The following PTK2B variants were observed in gnomAD, a reference collection of about 807,000 sequenced individuals.
The protein encoded by PTK2B is protein tyrosine kinase 2 beta.
PTK2B carries 71 observed loss-of-function variants against 142.9 expected under a neutral mutation model. The ratio of observed to expected loss-of-function variants is 0.50; its 90% CI spans 0.41 to 0.61. The LOEUF (loss-of-function observed/expected upper bound fraction) is 0.61, where lower values mean the gene tolerates loss of function less well. Ranked by LOEUF, PTK2B falls within the 20% of genes least tolerant of loss-of-function variation. The probability of loss-of-function intolerance (pLI) is 0.00; values close to 1 mark genes in which losing one functional copy is unlikely to be tolerated. For synonymous variants in PTK2B, 519 were observed against 503.4 expected, an observed-to-expected ratio of 1.03 and a Z score of -0.42; for missense variants, 1,105 against 1,320.4, an observed-to-expected ratio of 0.84 and a Z score of 2.53.
chr8:27,422,179 T>G, intron 4 of PTK2B, 125 bp from the exon 5 acceptor site: 7 of 836,478 alleles, frequency 8.4e-6, no homozygotes, highest in Non-Finnish European at 1.3e-5. Flanking sequence ...TCCATGCTTG[T>G]TTGTGGTGGG....
chr8:27,380,521 G>A (rs542965290), intron 1 of PTK2B: 4 of 144,426 alleles, frequency 2.8e-5, no homozygotes, highest in South Asian at 2.3e-4. Flanking sequence ...AACGCTGAAT[G>A]ATTGAAAACA....
In PTK2B at chr8:27,431,432, G is replaced by T; in HGVS notation, c.845G>T (p.Gly282Val). The T allele has an allele frequency of 6.2e-7, 1 of 1,614,208 alleles. No homozygotes were observed. Among genetic ancestry groups the T allele is most frequent in the Non-Finnish European group, 8.5e-7 (1 of 1,180,036 alleles). Residue 282 changes from glycine to valine, a missense_variant, in exon 9 of 31, where the codon GGC (glycine) becomes GTC (valine). Coordinates refer to ENST00000346049, the MANE Select transcript of PTK2B (RefSeq NM_173176.3). Reference protein sequence around the residue: ...GWNITVDLVIGPKGIRQLTSQ... With the variant: ...GWNITVDLVIVPKGIRQLTSQ... ...AACATTACTGTGGACCTGGTCATTG[G>T]CCCTAAAGGGATCCGCCAGCTGACT...
intron 1 of PTK2B, among the ~76,000 whole-genome samples, chr8:27,368,824 G>C (rs17057049): frequency 0.013 from 2,025 of 152,264 alleles, 35 homozygotes; most frequent in African/African-American, 0.046. Context: ...GCCACACTCT[G>C]CTCTGTCATG....
chr8:27,367,390 G>A (rs563091074), intron 1 of PTK2B, among the ~76,000 whole-genome samples: 1 of 152,266 alleles, frequency 6.6e-6, no homozygotes, highest in East Asian at 1.9e-4. Context: ...GGATGGTGAG[G>A]GACTGAACAG....
At chr8:27,417,992 A>G (rs891391) in intron 2 of PTK2B, among the ~76,000 whole-genome samples, 126,051 of 151,908 alleles carry the variant, frequency 0.83, 52,835 homozygotes, top group Middle Eastern at 0.95. Context: ...CAAAATGGTT[A>G]ACTTCACGGG....
At chr8:27,389,672 T>C (rs548184323) in intron 1 of PTK2B, among the ~76,000 whole-genome samples, 1 of 152,344 alleles carries the variant, frequency 6.6e-6, no homozygotes, top group East Asian at 1.9e-4. Context: ...AAATGCGTTT[T>C]GTATTACATT....
chr8:27,451,336 G>T, intron 26 of PTK2B, 149 bp from the exon 27 acceptor site: 1 of 1,338,696 alleles, frequency 7.5e-7, no homozygotes, highest in Non-Finnish European at 1.0e-6. Flanking sequence ...GGTCACATTG[G>T]GTCACGAGCT....
At chr8:27,372,436 C>T (rs1345440581) in intron 1 of PTK2B, among the ~76,000 whole-genome samples, 1 of 152,152 alleles carries the variant, frequency 6.6e-6, no homozygotes, top group African/African-American at 2.4e-5. Context: ...GGTCCTCAGG[C>T]AGGAGGAATT....
At chr8:27,385,079 T>TG (rs1391458632) in intron 1 of PTK2B, among the ~76,000 whole-genome samples, 21 of 152,206 alleles carry the variant, frequency 1.4e-4, no homozygotes, top group African/African-American at 5.1e-4. Flanking sequence ...ACTTGCTGTG[T>TG]GGCCTTTGGG....
chr8:27,438,608 G>A (rs1209890963), intron 18 of PTK2B, among the ~76,000 whole-genome samples: 1 of 152,234 alleles, frequency 6.6e-6, no homozygotes, highest in Admixed American at 6.5e-5. Flanking sequence ...CCTGTGTTCA[G>A]GGAAGTGGTT....
chr8:27,360,899 C>T lies in PTK2B; in HGVS notation c.-38+35218C>T, dbSNP rs990341719. ...CAATTATTCTCGAAATAAAACGTGT[C>T]GGTCTTTCGAAATGGTCAGTGGGGT... On this transcript the variant is annotated intron_variant, in intron 1 of 30. Coordinates refer to ENST00000346049, the MANE Select transcript of PTK2B (RefSeq NM_173176.3). Among the ~76,000 whole-genome samples, 9 of 152,098 alleles carry T rather than the reference C, an allele frequency of 5.9e-5. No homozygotes were observed. In the South Asian group the frequency reaches 8.3e-4, roughly 14 times the overall value.
chr8:27,431,549 G>A, intron 9 of PTK2B, 77 bp downstream of exon 9: 2 of 1,563,980 alleles, frequency 1.3e-6, no homozygotes, highest in South Asian at 1.1e-5. Context: ...CGCCCTGTCT[G>A]CCCCTTCAGT....
At chr8:27,448,113 G>A (rs1811583481) in intron 24 of PTK2B, among the ~76,000 whole-genome samples, 1 of 152,202 alleles carries the variant, frequency 6.6e-6, no homozygotes, top group Non-Finnish European at 1.5e-5. Context: ...CTTGAAAGAT[G>A]GGAAAGATGT....
chr8:27,386,205 C>G (rs1435809116), intron 1 of PTK2B, among the ~76,000 whole-genome samples: 1 of 152,142 alleles, frequency 6.6e-6, no homozygotes, highest in Non-Finnish European at 1.5e-5. Flanking sequence ...GCTCCGACTT[C>G]CCCCTGAGCA....
rs776299191 is a variant in PTK2B at position 27,434,140 on chromosome 8, C to T, written c.1145+8C>T. On this transcript the variant is annotated splice_region_variant and intron_variant, in intron 12 of 30. Transcript: ENST00000346049. ...GCCCCAGATCCCCATGCTGTGAGTACAATGGGGTGCAGAGGACAGGGCCCT... is the reference window on the plus strand; with the variant it reads ...GCCCCAGATCCCCATGCTGTGAGTATAATGGGGTGCAGAGGACAGGGCCCT... 6.2e-7 allele frequency: 1 copy of T among 1,613,400 alleles called. No homozygotes were observed. The highest frequency in any genetic ancestry group is 1.3e-5 in the African/African-American group (1 of 75,020).
intron 27 of PTK2B, chr8:27,452,715 C>G (rs1811894345): frequency 4.6e-6 from 1 of 218,948 alleles, no homozygotes; most frequent in African/African-American, 2.3e-5. Context: ...ACAAATTTAC[C>G]CCATGAGCTG....
Position 27,434,526 on chromosome 8 carries a change from C to T in PTK2B, c.1159C>T (p.Arg387Trp), listed in dbSNP as rs762908114. The change falls in exon 13 of 31, where the codon CGG (arginine) becomes TGG (tryptophan). Residue 387 changes from arginine (R) to tryptophan (W), a missense_variant. Physicochemically the swap from Arg to Trp is moderately radical, Grantham distance 101. Transcript: ENST00000346049. ...CACCTCCTACAGAAACCTGGAGGCC[C>T]GGCGGTCCCACCTCTCAGAGAGCTG... ...PQIPMLNLEA[R>W]RSHLSESCSI... is the part of the protein sequence containing the mutation. 22 of 1,608,740 alleles carry T rather than the reference C, an allele frequency of 1.4e-5. No individual in the cohort carries two copies. The highest frequency in any genetic ancestry group is 2.2e-5 in the East Asian group (1 of 44,710).
At chr8:27,361,951 T>G (rs1455040782) in intron 1 of PTK2B, among the ~76,000 whole-genome samples, 4 of 152,202 alleles carry the variant, frequency 2.6e-5, no homozygotes, top group Non-Finnish European at 2.9e-5. Flanking sequence ...CTGCCCCGTG[T>G]GCCAGACAAG....
At chr8:27,380,317 G>A (rs1806935884) in intron 1 of PTK2B, among the ~76,000 whole-genome samples, 1 of 152,004 alleles carries the variant, frequency 6.6e-6, no homozygotes, top group African/African-American at 2.4e-5. Flanking sequence ...TTTCAGCTGG[G>A]TTTTCCCTTT....
Sources: gnomAD v4.1 joint callset for allele counts (sites outside exome capture counted in the v4.1 genomes callset) on GRCh38, gnomAD v4.1.1 for gene constraint, MANE v1.5 for transcripts, NCBI Gene and HGNC (gene_info 2026-07-23, HGNC 2026-07-21) for gene names.